The following CENPQ variants were observed in gnomAD, a reference collection of about 807,000 sequenced individuals.
The protein encoded by CENPQ is centromere protein Q.
CENPQ carries 27 observed loss-of-function variants against 36.6 expected under a neutral mutation model. The ratio of observed to expected loss-of-function variants is 0.74; its 90% CI spans 0.54 to 1.02. The LOEUF (loss-of-function observed/expected upper bound fraction) is 1.02, where lower values mean the gene tolerates loss of function less well. CENPQ is among the 50% of genes least tolerant of loss of function. CENPQ has a pLI of 0.00. For missense variants in CENPQ, 306 were observed against 301.8 expected (o/e 1.01, Z -0.10); for synonymous variants, 101 against 101.7 (o/e 0.99, Z 0.04).
At position 49,472,817 on chromosome 6, in the gene CENPQ, A is replaced by C; in HGVS notation, c.306A>C (p.Glu102Asp). 6.8e-7 allele frequency: 1 copy of C among 1,461,690 alleles called. No homozygotes were observed. Among genetic ancestry groups the C allele is most frequent in the South Asian group, 1.3e-5 (1 of 78,988 alleles). The allele number at this position is 1,461,690 out of a possible 1,614,324, so 90.5% of individuals were successfully genotyped here. The change falls in exon 5 of 9, where the codon GAA becomes GAC. Residue 102 changes from glutamate (E) to aspartate (D), a missense_variant. Coordinates refer to ENST00000335783, the MANE Select transcript of CENPQ (RefSeq NM_018132.4). ...IMTILSNSIK[E>D]KEEIQYHLNF... The stretch of plus-strand genomic sequence containing the variant: ...CAATTTTGAGTAACAGTATTAAAGA[A>C]AAAGAAGAAATACAATACCATCTCA...
intron 6 of CENPQ, among the ~76,000 whole-genome samples, chr6:49,482,887 T>C (rs886973148): frequency 3.3e-5 from 5 of 152,148 alleles, no homozygotes; most frequent in Non-Finnish European, 7.4e-5. Flanking sequence ...GGAGTGAAGC[T>C]GCAGACCTTC....
At chr6:49,485,893 A>C (rs1768565010) in intron 6 of CENPQ, among the ~76,000 whole-genome samples, 1 of 152,172 alleles carries the variant, frequency 6.6e-6, no homozygotes, top group Admixed American at 6.5e-5. Context: ...TTTTATAATG[A>C]GAAATTTTAA....
At chr6:49,472,951 G>GT (rs1182087750) in intron 5 of CENPQ, 93 bp downstream of exon 5, 8 of 944,502 alleles carry the variant, frequency 8.5e-6, no homozygotes, top group Non-Finnish European at 1.1e-5. Flanking sequence ...TGGAATGTAA[G>GT]TTTTTCTTTT....
intron 5 of CENPQ, among the ~76,000 whole-genome samples, chr6:49,476,549 C>T (rs1276712242): frequency 6.6e-6 from 1 of 152,162 alleles, no homozygotes; most frequent in Non-Finnish European, 1.5e-5. Flanking sequence ...AAAGCAATGA[C>T]AACAAAAGCC....
intron 3 of CENPQ, 139 bp from the exon 4 acceptor site, chr6:49,471,923 TA>T: frequency 2.3e-6 from 2 of 855,836 alleles, no homozygotes; most frequent in Non-Finnish European, 3.3e-6. Flanking sequence ...TGATAAAAAG[TA>T]AATTAAACAG....
intron 1 of CENPQ, among the ~76,000 whole-genome samples, chr6:49,464,917 T>G (rs1484863328): frequency 6.6e-6 from 1 of 152,228 alleles, no homozygotes; most frequent in Non-Finnish European, 1.5e-5. Flanking sequence ...TTTGACCTCC[T>G]CCCGTGAATC....
intron 5 of CENPQ, among the ~76,000 whole-genome samples, chr6:49,473,776 C>G (rs1488525989): frequency 6.6e-6 from 1 of 152,130 alleles, no homozygotes; most frequent in East Asian, 1.9e-4. Context: ...GGAGACCCAT[C>G]TCATGTGCAG....
intron 5 of CENPQ, among the ~76,000 whole-genome samples, chr6:49,479,991 C>T (rs1395830396): frequency 6.6e-6 from 1 of 152,114 alleles, no homozygotes; most frequent in Non-Finnish European, 1.5e-5. Context: ...GGTTGAGAAA[C>T]TACCTATCAG....
At position 49,481,064 on chromosome 6, in the gene CENPQ, G is replaced by A; in HGVS notation, c.461G>A (p.Gly154Asp). The change falls in exon 6 of 9, where the codon GGT becomes GAT. Residue 154 changes from glycine to aspartate, a missense_variant. By Grantham distance (94) the Gly-to-Asp change is moderately conservative (BLOSUM62 -1). Transcript: ENST00000335783. ...ERARDKANEE[G>D]LALLQEEIDK... Reference sequence around the variant, plus strand: ...GCACGAGACAAAGCTAATGAAGAAGGTCTGGCATTACTACAGGTATGAAAT... The same window carrying A: ...GCACGAGACAAAGCTAATGAAGAAGATCTGGCATTACTACAGGTATGAAAT... 6.2e-7 allele frequency: 1 copy of A among 1,606,780 alleles called. No homozygotes were observed. Among genetic ancestry groups the A allele is most frequent in the Non-Finnish European group, 8.5e-7 (1 of 1,177,814 alleles).
At chr6:49,471,780 T>G (rs1211168603) in intron 3 of CENPQ, among the ~76,000 whole-genome samples, 1 of 152,202 alleles carries the variant, frequency 6.6e-6, no homozygotes, top group Admixed American at 6.5e-5. Flanking sequence ...AGGCCATTTC[T>G]GAGAATGAAA....
chr6:49,465,708 C>T, intron 1 of CENPQ, among the ~76,000 whole-genome samples: 1 of 152,204 alleles, frequency 6.6e-6, no homozygotes. Context: ...GCTTTCTCAC[C>T]TCTCTCAGCT....
intron 8 of CENPQ, 83 bp from the exon 9 acceptor site, chr6:49,492,061 A>G: frequency 9.1e-7 from 1 of 1,101,002 alleles, no homozygotes; most frequent in East Asian, 2.5e-5. Context: ...CTTAAGGTTT[A>G]TTTTACTGTT....
intron 5 of CENPQ, among the ~76,000 whole-genome samples, chr6:49,477,330 A>G (rs1768319215): frequency 6.6e-6 from 1 of 150,936 alleles, no homozygotes; most frequent in Non-Finnish European, 1.5e-5. Flanking sequence ...ATGAAAAACC[A>G]AACACCGCAT....
At chr6:49,480,497 T>A (rs1214169106) in intron 5 of CENPQ, among the ~76,000 whole-genome samples, 1 of 152,202 alleles carries the variant, frequency 6.6e-6, no homozygotes, top group African/African-American at 2.4e-5. Flanking sequence ...CTAATGTAAA[T>A]CTTCTCTATT....
intron 1 of CENPQ, among the ~76,000 whole-genome samples, chr6:49,464,930 G>A (rs561379140): frequency 6.6e-6 from 1 of 152,322 alleles, no homozygotes; most frequent in South Asian, 2.1e-4. Context: ...CGTGAATCAT[G>A]AATGTTCTTA....
At chr6:49,483,901 G>A (rs532223512) in intron 6 of CENPQ, among the ~76,000 whole-genome samples, 12 of 152,244 alleles carry the variant, frequency 7.9e-5, no homozygotes, top group Admixed American at 5.2e-4. Context: ...CTCAAGTGCC[G>A]CCAAAGTGGG....
chr6:49,472,915 T>G, intron 5 of CENPQ, 57 bp downstream of exon 5: 1 of 1,171,554 alleles, frequency 8.5e-7, no homozygotes, highest in African/African-American at 1.6e-5. Flanking sequence ...ACCTGACTTC[T>G]TTCTATGTTG....
chr6:49,472,901 A>T (rs4469291), intron 5 of CENPQ, 43 bp downstream of exon 5: 451,513 of 1,246,874 alleles, frequency 0.36, 82,918 homozygotes, highest in African/African-American at 0.39. Context: ...CATAATTTTT[A>T]AAAACCTGAC....
At chr6:49,473,617 G>A (rs1179921259) in intron 5 of CENPQ, among the ~76,000 whole-genome samples, 1 of 152,074 alleles carries the variant, frequency 6.6e-6, no homozygotes, top group Non-Finnish European at 1.5e-5. Context: ...ATCAACTAAC[G>A]AGCAAAATAA....
Sources: allele counts gnomAD v4.1 joint callset (sites outside exome capture counted in the v4.1 genomes callset), GRCh38; gene constraint gnomAD v4.1.1; transcripts MANE v1.5; gene names NCBI Gene and HGNC (gene_info 2026-07-23, HGNC 2026-07-21).